Variants in AIG1 observed in about 807,000 individuals in gnomAD.
AIG1 encodes androgen induced 1, also known as androgen-induced gene 1 protein.
A neutral mutation model predicts 31.4 loss-of-function variants in AIG1; 23 were observed. The ratio of observed to expected loss-of-function variants is 0.73; its 90% CI spans 0.53 to 1.04. The LOEUF (loss-of-function observed/expected upper bound fraction) is 1.04. AIG1 is among the 50% of genes least tolerant of loss of function. The probability of loss-of-function intolerance (pLI) is 0.00; values close to 1 mark genes in which losing one functional copy is unlikely to be tolerated. For synonymous variants in AIG1, 100 were observed against 110.5 expected (o/e 0.90, Z 0.60); for missense variants, 274 against 295.0 (o/e 0.93, Z 0.52).
chr6:143,100,948 G>T (rs1780221012), intron 1 of AIG1, among the ~76,000 whole-genome samples: 1 of 152,156 alleles, frequency 6.6e-6, no homozygotes, highest in Non-Finnish European at 1.5e-5. Context: ...GCCTCCCAAA[G>T]TGCTGGGATT....
At chr6:143,182,783 A>T (rs1167058152) in intron 3 of AIG1, among the ~76,000 whole-genome samples, 1 of 152,242 alleles carries the variant, frequency 6.6e-6, no homozygotes, top group Non-Finnish European at 1.5e-5. Flanking sequence ...TACAAAATGG[A>T]CAATGAATAT....
intron 2 of AIG1, among the ~76,000 whole-genome samples, chr6:143,149,331 C>T (rs1784974481): frequency 6.6e-6 from 1 of 151,642 alleles, no homozygotes; most frequent in Non-Finnish European, 1.5e-5. Flanking sequence ...TCGAGACCAT[C>T]CTGGCTAACA....
chr6:143,097,988 GT>G (rs1459297993), intron 1 of AIG1, among the ~76,000 whole-genome samples: 3 of 152,112 alleles, frequency 2.0e-5, no homozygotes. Context: ...TCCCTCCTGT[GT>G]TACAGTTTTC....
intron 2 of AIG1, among the ~76,000 whole-genome samples, chr6:143,161,361 A>C (rs1234520606): frequency 6.6e-6 from 1 of 152,170 alleles, no homozygotes; most frequent in Non-Finnish European, 1.5e-5. Flanking sequence ...GAGAGGAAAC[A>C]CTTCCCAACT....
At position 143,327,330 on chromosome 6, in the gene AIG1, G is replaced by T; in HGVS notation, c.516-5952G>T. On this transcript the variant is annotated intron_variant, in intron 4 of 5. Coordinates refer to ENST00000357847, the MANE Select transcript of AIG1 (RefSeq NM_016108.4). The surrounding 1 kb of genome is among the most constrained non-coding windows in gnomAD (Gnocchi z 5.3). ...AAAAGGGCCACTCTGCCATCAACAA[G>T]GTGGTGACCTCGTTGATGATACACC... The T allele has an allele frequency of 8.4e-6, 2 of 236,804 alleles. No individual in the cohort carries two copies. Among genetic ancestry groups the T allele is most frequent in the East Asian group, 1.2e-4 (1 of 8,242 alleles). The allele number at this position is 236,804 out of a possible 1,614,324, so 14.7% of individuals were successfully genotyped here. A position where few individuals can be genotyped will look rare whatever the true frequency, so the allele number is the denominator to read the frequency against.
At chr6:143,285,581 T>C (rs184543799) in intron 4 of AIG1, among the ~76,000 whole-genome samples, 2 of 151,938 alleles carry the variant, frequency 1.3e-5, no homozygotes, top group Non-Finnish European at 1.5e-5. Flanking sequence ...TAAGAATCTC[T>C]TGAACCCGGG....
At chr6:143,150,138 A>T (rs1785079783) in intron 2 of AIG1, among the ~76,000 whole-genome samples, 1 of 152,192 alleles carries the variant, frequency 6.6e-6, no homozygotes, top group South Asian at 2.1e-4. Flanking sequence ...TTTATAATTG[A>T]TTCCTCCACC....
At chr6:143,069,209 G>C (rs910505253) in intron 1 of AIG1, among the ~76,000 whole-genome samples, 2 of 152,070 alleles carry the variant, frequency 1.3e-5, no homozygotes, top group Non-Finnish European at 2.9e-5. Flanking sequence ...TAGAGACGGG[G>C]TTTCGCCATG....
downstream of AIG1, chr6:143,342,679 A>C (rs1429504089): frequency 8.2e-7 from 1 of 1,221,822 alleles, no homozygotes; most frequent in Non-Finnish European, 1.2e-6. Flanking sequence ...ATAGCATAAG[A>C]CCACAAAAAG....
At chr6:143,219,192 G>A (rs1233081896) in intron 3 of AIG1, among the ~76,000 whole-genome samples, 1 of 152,220 alleles carries the variant, frequency 6.6e-6, no homozygotes, top group African/African-American at 2.4e-5. Context: ...GTGTTCTAAT[G>A]TAATAAAGCA....
intron 3 of AIG1, among the ~76,000 whole-genome samples, chr6:143,194,437 G>C (rs1790058343): frequency 6.6e-6 from 1 of 152,284 alleles, no homozygotes; most frequent in Non-Finnish European, 1.5e-5. Context: ...TGAGATTTGG[G>C]TGGGGACACA....
intron 3 of AIG1, among the ~76,000 whole-genome samples, chr6:143,255,741 C>T (rs1245497554): frequency 6.6e-6 from 1 of 152,032 alleles, no homozygotes; most frequent in African/African-American, 2.4e-5. Flanking sequence ...AGAGGGATCA[C>T]ACTCTATGGA....
intron 3 of AIG1, among the ~76,000 whole-genome samples, chr6:143,231,007 C>T (rs1193125937): frequency 6.6e-6 from 1 of 152,218 alleles, no homozygotes; most frequent in Non-Finnish European, 1.5e-5. Context: ...AAGTCAGTTA[C>T]ACTCTTTGGC....
chr6:143,300,832 G>A (rs978854303), intron 4 of AIG1, among the ~76,000 whole-genome samples: 2 of 152,192 alleles, frequency 1.3e-5, no homozygotes, highest in African/African-American at 4.8e-5. Context: ...CATGAAGAAG[G>A]CATCATGGAG....
chr6:143,201,369 A>T (rs1050458659), intron 3 of AIG1, among the ~76,000 whole-genome samples: 5 of 152,206 alleles, frequency 3.3e-5, no homozygotes, highest in Admixed American at 2.0e-4. Context: ...AAAAAAAAAA[A>T]TCTTAAAAAT....
At chr6:143,181,273 C>T (rs112726642) in intron 3 of AIG1, among the ~76,000 whole-genome samples, 3,409 of 152,198 alleles carry the variant, frequency 0.022, 109 homozygotes, top group African/African-American at 0.067. Context: ...ATCAGAAATT[C>T]CTTAGGAACC....
At chr6:143,210,698 G>A (rs902801783) in intron 3 of AIG1, among the ~76,000 whole-genome samples, 2 of 152,138 alleles carry the variant, frequency 1.3e-5, no homozygotes, top group Non-Finnish European at 2.9e-5. Flanking sequence ...CTAAAGTGCC[G>A]TAAATCAGTT....
At chr6:143,080,640 C>A (rs1006984327) in intron 1 of AIG1, among the ~76,000 whole-genome samples, 3 of 151,920 alleles carry the variant, frequency 2.0e-5, no homozygotes. Flanking sequence ...AAAAATATGA[C>A]AAGGGAGGGC....
rs118123027 is a variant in AIG1 at position 143,322,378 on chromosome 6, G to A, written c.516-10904G>A. Among the ~76,000 whole-genome samples, 1,180 of 152,296 alleles carry A rather than the reference G, an allele frequency of 7.7e-3. 36 individuals are homozygous for A. The highest frequency in any genetic ancestry group is 0.048 in the Admixed American group (728 of 15,294). ...TCTTCCTCCTCCCCCTCCAGAGCTAGCAGTTCTGCCGTGTTTTGATGATTG... is the reference window on the plus strand; with the variant it reads ...TCTTCCTCCTCCCCCTCCAGAGCTAACAGTTCTGCCGTGTTTTGATGATTG... On this transcript the variant is annotated intron_variant, in intron 4 of 5. Transcript: ENST00000357847.
Sources: allele counts gnomAD v4.1 joint callset (sites outside exome capture counted in the v4.1 genomes callset), GRCh38; gene constraint gnomAD v4.1.1; non-coding constraint Gnocchi (gnomAD v3.1); transcripts MANE v1.5; gene names NCBI Gene and HGNC (gene_info 2026-07-23, HGNC 2026-07-21).